The following FANCM variants were observed in gnomAD, a reference collection of about 807,000 sequenced individuals.
The protein encoded by FANCM is FA complementation group M, also known as Fanconi anemia group M protein.
Under a neutral mutation model 199.5 loss-of-function variants are expected in FANCM, and 140 were observed. That is an observed-to-expected ratio of 0.70 (90% CI 0.61 to 0.81). The LOEUF is 0.81. FANCM is among the 30% of genes least tolerant of loss of function. FANCM has a pLI of 0.00. For synonymous variants in FANCM, 840 were observed against 836.8 expected, an observed-to-expected ratio of 1.00 and a Z score of -0.07; for missense variants, 2,410 against 2,421.4, an observed-to-expected ratio of 1.00 and a Z score of 0.10.
In FANCM at chr14:45,155,373, G is replaced by C. The variant is rs1290183944; in HGVS notation, c.1310G>C (p.Gly437Ala). The C allele has an allele frequency of 8.0e-7, 1 of 1,250,266 alleles. No individual in the cohort carries two copies. Among genetic ancestry groups the C allele is most frequent in the Admixed American group, 1.7e-5 (1 of 58,568 alleles). The allele number at this position is 1,250,266 out of a possible 1,614,324, so 77.4% of individuals were successfully genotyped here. Residue 437 changes from glycine (G) to alanine (A), a missense_variant and splice_region_variant, in exon 8 of 23, where the codon GGA (glycine) becomes GCA (alanine). Transcript: ENST00000267430. ...SANGISAIQQ[G>A]DKNKKFVYSH... ...TTTTGATATTTTTGTTTTGTTCCAG[G>C]AGATAAAAATAAAAAATTTGTTTAT...
intron 11 of FANCM, among the ~76,000 whole-genome samples, chr14:45,169,735 C>G (rs762629687): frequency 7.9e-5 from 12 of 152,124 alleles, no homozygotes; most frequent in African/African-American, 1.4e-4. Context: ...TTTTTCTGCT[C>G]TCATCTGTAT....
chr14:45,150,828 G>A (rs943148333), intron 4 of FANCM, among the ~76,000 whole-genome samples: 11 of 152,164 alleles, frequency 7.2e-5, no homozygotes, highest in African/African-American at 2.7e-4. Flanking sequence ...CCATTGGAAT[G>A]TAAACTATAT....
rs2139334702 is a variant in FANCM, at chr14:45,200,834, G to A, written c.*826G>A. On this transcript the variant is annotated 3_prime_UTR_variant, in exon 23 of 23. Coordinates refer to ENST00000267430, the MANE Select transcript of FANCM (RefSeq NM_020937.4). ...CTCCACCATGATTGTAAGTTCCCGA[G>A]GCCTCCCCAGCCATGCAGGACTGTG... 6.6e-6 allele frequency: 1 copy of A among 152,150 alleles called. No homozygotes were observed. Among genetic ancestry groups the A allele is most frequent in the East Asian group, 1.9e-4 (1 of 5,192 alleles). 9.4% of individuals were successfully genotyped at this position (152,150 alleles called of 1,614,324 possible).
At chr14:45,168,233 A>G (rs1211262102) in intron 11 of FANCM, among the ~76,000 whole-genome samples, 2 of 152,106 alleles carry the variant, frequency 1.3e-5, no homozygotes, top group Non-Finnish European at 2.9e-5. Flanking sequence ...CCGTCAATCA[A>G]TGTTTTTTTG....
intron 10 of FANCM, among the ~76,000 whole-genome samples, chr14:45,165,922 G>T (rs1887936896): frequency 1.3e-5 from 2 of 152,040 alleles, no homozygotes; most frequent in South Asian, 4.1e-4. Context: ...TAACGCTTTT[G>T]TTGTATACAG....
At chr14:45,191,525 A>G (rs543338538) in intron 20 of FANCM, among the ~76,000 whole-genome samples, 2 of 152,210 alleles carry the variant, frequency 1.3e-5, no homozygotes, top group Non-Finnish European at 2.9e-5. Flanking sequence ...AGAAATAAGC[A>G]CTGGTAAGCA....
rs551240098 is a variant in FANCM, at chr14:45,148,863, G to A, written c.786G>A (p.Leu262=). 6.2e-7 allele frequency: 1 copy of A among 1,610,082 alleles called. No individual in the cohort carries two copies. Among genetic ancestry groups the A allele is most frequent in the East Asian group, 2.2e-5 (1 of 44,794 alleles). Reference sequence around the variant, plus strand: ...CTGTGCAACAAGTTATTACTAACCTGCTAATTGGGCAGATAGAGCTTCGTT... The same window carrying A: ...CTGTGCAACAAGTTATTACTAACCTACTAATTGGGCAGATAGAGCTTCGTT... ...IKAVQQVITN[L]LIGQIELRSE... The change falls in exon 4 of 23, where the codon CTG becomes CTA. Residue 262 remains leucine, a synonymous_variant. Coordinates refer to ENST00000267430, the MANE Select transcript of FANCM (RefSeq NM_020937.4).
At chr14:45,148,146 G>A (rs548032599) in intron 3 of FANCM, among the ~76,000 whole-genome samples, 21 of 151,558 alleles carry the variant, frequency 1.4e-4, no homozygotes, top group Non-Finnish European at 2.9e-4. Context: ...GCAGTTAGCC[G>A]ATATCGTGCC....
chr14:45,144,072 A>G (rs184302755), intron 3 of FANCM, among the ~76,000 whole-genome samples: 20 of 152,104 alleles, frequency 1.3e-4, no homozygotes, highest in African/African-American at 3.9e-4. Context: ...CATAGTAGGT[A>G]TATATATTTA....
rs1390595974 is a variant in FANCM at position 45,189,166 on chromosome 14, A to T, written c.5144A>T (p.Gln1715Leu). 1.2e-6 allele frequency: 2 copies of T among 1,614,052 alleles called. No individual in the cohort carries two copies. Among genetic ancestry groups the T allele is most frequent in the South Asian group, 2.2e-5 (2 of 91,076 alleles). ...LNSVPSGSSA[Q>L]SKVRSTPRVN... ...TCAGTGCCTTCTGGATCTTCTGCGC[A>T]GTCCAAGGTGCGTTCTACTCCAAGA... The change falls in exon 20 of 23, where the codon CAG becomes CTG. Residue 1715 changes from glutamine (Q) to leucine (L), a missense_variant. By Grantham distance (113) the Gln-to-Leu change is moderately radical (BLOSUM62 -2). Transcript: ENST00000267430.
chr14:45,170,833 A>C, intron 12 of FANCM, 87 bp downstream of exon 12: 8 of 1,105,720 alleles, frequency 7.2e-6, no homozygotes, highest in Non-Finnish European at 1.1e-5. Flanking sequence ...ATGATCAAGC[A>C]ATAGCTTTGG....
chr14:45,169,384 T>G (rs1005241344), intron 11 of FANCM, among the ~76,000 whole-genome samples: 18 of 103,728 alleles, frequency 1.7e-4, no homozygotes, highest in African/African-American at 4.9e-4. Flanking sequence ...TATTTATTTG[T>G]TTTTTTTTTT....
rs1187345079 is a variant in FANCM, at chr14:45,173,150, A to G, written c.2256A>G (p.Ser752=). 1 of 1,613,638 alleles carries G rather than the reference A, an allele frequency of 6.2e-7. No individual in the cohort carries two copies. ...TGCCTACACATCAAGTTGATCACTC[A>G]GATCGATGCCGCCATTTTATAGGCC... ...HPLPTHQVDH[S]DRCRHFIGLM... Residue 752 remains serine, a synonymous_variant, in exon 13 of 23, where the codon TCA becomes TCG. Transcript: ENST00000267430.
intron 5 of FANCM, among the ~76,000 whole-genome samples, chr14:45,151,863 G>A (rs957740567): frequency 6.8e-6 from 1 of 147,770 alleles, no homozygotes; most frequent in Non-Finnish European, 1.5e-5. Flanking sequence ...GCAGTGAGCT[G>A]TGATTGCAGC....
At chr14:45,188,440 G>A (rs1889546935) in intron 19 of FANCM, among the ~76,000 whole-genome samples, 1 of 151,998 alleles carries the variant, frequency 6.6e-6, no homozygotes, top group South Asian at 2.1e-4. Context: ...GTCACTTATG[G>A]ATAACATTTT....
rs151005385 is a variant in FANCM, at chr14:45,154,378, GC to G, written c.1184-318del. Among the ~76,000 whole-genome samples the G allele has an allele frequency of 2.7e-3, 400 of 149,312 alleles. 8 individuals are homozygous for G. In the East Asian group the frequency reaches 0.058, roughly 22 times the overall value. The stretch of plus-strand genomic sequence containing the variant: ...ATCATGCTGCTGCACTTCAGCCTGG[GC>G]AACAGAGTGAGACTGTCTTAAAAAA... On this transcript the variant is annotated intron_variant, in intron 6 of 22. Coordinates refer to ENST00000267430, the MANE Select transcript of FANCM (RefSeq NM_020937.4).
chr14:45,191,019 C>T (rs1005180734), intron 20 of FANCM, among the ~76,000 whole-genome samples: 6 of 152,190 alleles, frequency 3.9e-5, no homozygotes, highest in Admixed American at 1.3e-4. Flanking sequence ...GGACATGCAA[C>T]ACCATGCCTG....
chr14:45,179,396 C>T (rs534605586), intron 14 of FANCM, among the ~76,000 whole-genome samples: 13 of 152,016 alleles, frequency 8.6e-5, no homozygotes, highest in African/African-American at 2.7e-4. Flanking sequence ...TATCATTGTT[C>T]GCCATCAGGA....
At chr14:45,153,428 T>C (rs974746636) in intron 5 of FANCM, among the ~76,000 whole-genome samples, 3 of 152,222 alleles carry the variant, frequency 2.0e-5, no homozygotes, top group African/African-American at 7.2e-5. Context: ...GTATTAAAGG[T>C]TGGCATTAAA....
Sources: allele counts gnomAD v4.1 joint callset (sites outside exome capture counted in the v4.1 genomes callset), GRCh38; gene constraint gnomAD v4.1.1; transcripts MANE v1.5; gene names NCBI Gene and HGNC (gene_info 2026-07-23, HGNC 2026-07-21).